The following PCDHGB7 variants were observed in gnomAD, a reference collection of about 807,000 sequenced individuals.
PCDHGB7 encodes the protein protocadherin gamma-B7.
PCDHGB7 carries 37 observed loss-of-function variants against 61.4 expected under a neutral mutation model. That is an observed-to-expected ratio of 0.60 (90% CI 0.46 to 0.79). PCDHGB7 has a LOEUF of 0.79. Ranked by LOEUF, PCDHGB7 falls within the 30% of genes least tolerant of loss-of-function variation. The pLI is 0.00. For missense variants in PCDHGB7, 1,166 were observed against 1,202.5 expected (o/e 0.97, Z 0.45); for synonymous variants, 464 against 503.5 (o/e 0.92, Z 1.05).
chr5:141,446,353 T>C (rs1278613929), intron 1 of PCDHGB7, among the ~76,000 whole-genome samples: 2 of 152,176 alleles, frequency 1.3e-5, no homozygotes, highest in Non-Finnish European at 2.9e-5. Flanking sequence ...AAGCTACCAT[T>C]TGATGAGAAT....
intron 1 of PCDHGB7, among the ~76,000 whole-genome samples, chr5:141,454,796 A>ATTTTTTTTTTT (rs61612330): frequency 0.014 from 1,093 of 77,476 alleles, 165 homozygotes; most frequent in African/African-American, 0.018. Flanking sequence ...CATGGTTCTA[A>ATTTTTTTTTTT]TTTTTTTTTT....
At chr5:141,428,044 C>A in intron 1 of PCDHGB7, 1 of 1,608,790 alleles carries the variant, frequency 6.2e-7, no homozygotes, top group Non-Finnish European at 8.5e-7. Context: ...TACCTGGTGA[C>A]CAAGGTGGTG....
chr5:141,438,358 G>A (rs1160913890), intron 1 of PCDHGB7, among the ~76,000 whole-genome samples: 1 of 151,634 alleles, frequency 6.6e-6, no homozygotes. Context: ...TCTGTGTATT[G>A]TCATTGAGGG....
chr5:141,483,350 G>C (rs2099580423), intron 1 of PCDHGB7, among the ~76,000 whole-genome samples: 4 of 152,172 alleles, frequency 2.6e-5, no homozygotes, highest in Admixed American at 1.3e-4. Flanking sequence ...CTTTGCAATA[G>C]TTTGAAAGCT....
In PCDHGB7 at chr5:141,476,258, G is replaced by A. The variant is rs1247889010; in HGVS notation, c.2416-18549G>A. 1 of 1,614,018 alleles carries A rather than the reference G, an allele frequency of 6.2e-7. No individual in the cohort carries two copies. Among genetic ancestry groups the A allele is most frequent in the South Asian group, 1.1e-5 (1 of 91,066 alleles). Reference sequence around the variant, plus strand: ...GGAAAGAGAGAAGGGTTTCGCTGTGGGCAACGTGGTCGCGAACCTTGGTTT... The same window carrying A: ...GGAAAGAGAGAAGGGTTTCGCTGTGAGCAACGTGGTCGCGAACCTTGGTTT... On this transcript the variant is annotated intron_variant, in intron 1 of 3. Coordinates refer to ENST00000398594, the MANE Select transcript of PCDHGB7 (RefSeq NM_018927.4). This position sits in a 1 kb window ranked among gnomAD's most constrained non-coding sequence, Gnocchi z 7.6.
intron 1 of PCDHGB7, chr5:141,423,309 G>T (rs1401836240): frequency 6.2e-7 from 1 of 1,614,176 alleles, no homozygotes; most frequent in South Asian, 1.1e-5. Context: ...CGCTGTACTT[G>T]GTGGTGGCGG....
rs2233603 is a variant in PCDHGB7 at position 141,490,063 on chromosome 5, G to A, written c.2416-4744G>A. 1,259 of 1,614,208 alleles carry A rather than the reference G, an allele frequency of 7.8e-4. 6 individuals carry two copies. The African/African-American group carries it at 0.013, about 16-fold the overall frequency. On this transcript the variant is annotated intron_variant, in intron 1 of 3. Transcript: ENST00000398594. The surrounding 1 kb of genome is among the most constrained non-coding windows in gnomAD (Gnocchi z 5.4). ...CACTGATCCAGACGAGGGCACCAAC[G>A]GCCAACTAGACTATTCTTTTGGAGA...
intron 1 of PCDHGB7, among the ~76,000 whole-genome samples, chr5:141,474,163 T>A (rs958292802): frequency 2.0e-5 from 3 of 152,178 alleles, no homozygotes; most frequent in Non-Finnish European, 2.9e-5. Flanking sequence ...ATGACAGGCC[T>A]TATTATTGAG....
intron 1 of PCDHGB7, among the ~76,000 whole-genome samples, chr5:141,482,554 A>T (rs997707871): frequency 4.1e-5 from 6 of 146,884 alleles, no homozygotes; most frequent in Non-Finnish European, 6.0e-5. Flanking sequence ...AAAAAAGATA[A>T]TGGAGATCTG....
intron 1 of PCDHGB7, among the ~76,000 whole-genome samples, chr5:141,434,630 A>G (rs2097706465): frequency 6.6e-6 from 1 of 152,106 alleles, no homozygotes; most frequent in African/African-American, 2.4e-5. Flanking sequence ...CGTTTCCCAT[A>G]AGGGATACTT....
At position 141,490,289 on chromosome 5, in the gene PCDHGB7, T is replaced by C; in HGVS notation, c.2416-4518T>C. ...GATGTCAATGACAATGCCCCAGAGG[T>C]GCTATTGGCCTCTTTGGCCAACCCT... On this transcript the variant is annotated intron_variant, in intron 1 of 3. Transcript: ENST00000398594. This position sits in a 1 kb window ranked among gnomAD's most constrained non-coding sequence, Gnocchi z 5.4. The C allele has an allele frequency of 1.2e-6, 2 of 1,614,096 alleles. No homozygotes were observed. The highest frequency in any genetic ancestry group is 1.7e-6 in the Non-Finnish European group (2 of 1,180,016).
intron 1 of PCDHGB7, among the ~76,000 whole-genome samples, chr5:141,465,360 C>T (rs1238387777): frequency 6.6e-6 from 1 of 151,940 alleles, no homozygotes; most frequent in Non-Finnish European, 1.5e-5. Context: ...AAAATGGGTG[C>T]CCTTTAAAGT....
rs564486909 is a variant in PCDHGB7, at chr5:141,428,072, G to C, written c.2415+7798G>C. ...AGGTGGTGGCGGTGGACGCAGATTC[G>C]GGACACAACGCTTGGCTGTCCTACC... is the stretch of plus-strand genomic sequence containing the variant. On this transcript the variant is annotated intron_variant, in intron 1 of 3. Transcript: ENST00000398594. 5 of 1,609,080 alleles carry C rather than the reference G, an allele frequency of 3.1e-6. 1 individual carries two copies. The South Asian group carries it at 5.5e-5, about 18-fold the overall frequency.
Position 141,490,869 on chromosome 5 carries a change from A to AT in PCDHGB7, c.2416-3936dup. 1.2e-6 allele frequency: 2 copies of AT among 1,613,902 alleles called. No individual in the cohort carries two copies. Among genetic ancestry groups the AT allele is most frequent in the Non-Finnish European group, 8.5e-7 (1 of 1,179,954 alleles). ...GGGTTCGAGACTCCGGCTCTCCCCC[A>AT]TTGCATGCCAACACATCTCTGCATG... On this transcript the variant is annotated intron_variant, in intron 1 of 3. Coordinates refer to ENST00000398594, the MANE Select transcript of PCDHGB7 (RefSeq NM_018927.4). This position sits in a 1 kb window ranked among gnomAD's most constrained non-coding sequence, Gnocchi z 5.4.
intron 1 of PCDHGB7, chr5:141,421,947 C>T: frequency 6.2e-7 from 1 of 1,613,118 alleles, no homozygotes; most frequent in African/African-American, 1.3e-5. Context: ...ATGATCACAT[C>T]CCAATGTTTA....
chr5:141,505,676 C>A (rs1308943385), intron 3 of PCDHGB7, among the ~76,000 whole-genome samples, 195 bp downstream of exon 3: 1 of 152,060 alleles, frequency 6.6e-6, no homozygotes, highest in South Asian at 2.1e-4. Context: ...GGTTGGGGGT[C>A]CTGGGATGCC....
chr5:141,465,021 C>A (rs974818222), intron 1 of PCDHGB7, among the ~76,000 whole-genome samples: 1 of 152,100 alleles, frequency 6.6e-6, no homozygotes, highest in Non-Finnish European at 1.5e-5. Flanking sequence ...AGATTACAGC[C>A]ATGAACCACC....
chr5:141,478,385 T>C (rs919846683), intron 1 of PCDHGB7: 1 of 1,613,628 alleles, frequency 6.2e-7, no homozygotes, highest in Non-Finnish European at 8.5e-7. Context: ...GCCGCACCTT[T>C]ACCATCAGGT....
At chr5:141,496,602 C>A (rs981108050) in intron 2 of PCDHGB7, among the ~76,000 whole-genome samples, 5 of 152,150 alleles carry the variant, frequency 3.3e-5, no homozygotes, top group Admixed American at 1.3e-4. Flanking sequence ...TCTTAGAAGG[C>A]CCCTAAAAAG....
Sources: gnomAD v4.1 joint callset for allele counts (sites outside exome capture counted in the v4.1 genomes callset) on GRCh38, gnomAD v4.1.1 for gene constraint, Gnocchi (gnomAD v3.1) non-coding constraint, MANE v1.5 for transcripts, NCBI Gene and HGNC (gene_info 2026-07-23, HGNC 2026-07-21) for gene names.